The following RNLS variants were observed in gnomAD, a reference collection of about 807,000 sequenced individuals.
The protein encoded by RNLS is renalase.
In RNLS, 39 loss-of-function variants were observed where a neutral mutation model predicts 39.8. That is an observed-to-expected ratio of 0.98 (90% CI 0.76 to 1.28). The LOEUF is 1.28. RNLS is among the 50% of genes most tolerant of loss of function. The pLI is 0.00. For synonymous variants in RNLS, 147 were observed against 150.7 expected (o/e 0.98, Z 0.18); for missense variants, 410 against 413.3 (o/e 0.99, Z 0.07).
chr10:88,557,466 T>C (rs1287064440), intron 4 of RNLS, among the ~76,000 whole-genome samples: 2 of 152,160 alleles, frequency 1.3e-5, no homozygotes, highest in East Asian at 3.9e-4. Flanking sequence ...AGAATGACGG[T>C]CAGAAATGTC....
chr10:88,453,250 T>C (rs1842450628), intron 4 of RNLS, among the ~76,000 whole-genome samples: 1 of 152,152 alleles, frequency 6.6e-6, no homozygotes, highest in Non-Finnish European at 1.5e-5. Flanking sequence ...CTGCAGGAAG[T>C]TTTAGAAACC....
the RNLS span, among the ~76,000 whole-genome samples, chr10:88,237,748 C>T: frequency 1.3e-5 from 2 of 152,314 alleles, no homozygotes; most frequent in South Asian, 4.1e-4. Flanking sequence ...ACAAATCTAT[C>T]AACCAATGAA....
At chr10:88,474,695 T>TTA (rs1385691173) in intron 4 of RNLS, among the ~76,000 whole-genome samples, 1 of 152,206 alleles carries the variant, frequency 6.6e-6, no homozygotes, top group African/African-American at 2.4e-5. Flanking sequence ...TGTCTCTGTG[T>TTA]AGCAAATTGC....
chr10:88,329,270 C>T (rs1451944378), intron 5 of RNLS, among the ~76,000 whole-genome samples: 2 of 151,890 alleles, frequency 1.3e-5, no homozygotes, highest in East Asian at 3.9e-4. Context: ...CCCAGGTGGT[C>T]TTGAACTCCT....
At chr10:88,455,297 T>C (rs1842567498) in intron 4 of RNLS, among the ~76,000 whole-genome samples, 1 of 152,162 alleles carries the variant, frequency 6.6e-6, no homozygotes, top group East Asian at 1.9e-4. Flanking sequence ...AGAAAATTTA[T>C]AGAAATAAAC....
Position 88,275,666 on chromosome 10 carries a change from GC to G in RNLS, c.877-635del, listed in dbSNP as rs1842787334. On this transcript the variant is annotated intron_variant, in intron 6 of 6. Coordinates refer to the RNLS transcript ENST00000371947. ...ATAAAGTTCTAAATACATACAATAT[GC>G]TGTAAAATTAAAAACGCACAGAACA... is the stretch of plus-strand genomic sequence containing the variant. Among the ~76,000 whole-genome samples the G allele has an allele frequency of 2.0e-5, 3 of 152,150 alleles. 1 individual carries two copies. The highest frequency in any genetic ancestry group is 2.9e-5 in the Non-Finnish European group (2 of 68,044).
the RNLS span, among the ~76,000 whole-genome samples, chr10:88,232,372 AG>A: frequency 1.3e-5 from 2 of 152,236 alleles, no homozygotes; most frequent in Non-Finnish European, 2.9e-5. Context: ...ACATAGAAAA[AG>A]AGGTGATTTT....
At chr10:88,263,217 AG>A in the RNLS span, among the ~76,000 whole-genome samples, 3 of 152,138 alleles carry the variant, frequency 2.0e-5, no homozygotes, top group Non-Finnish European at 2.9e-5. Flanking sequence ...GGCAAGGGGA[AG>A]TGAAATTCAT....
chr10:88,227,018 A>C, the RNLS span, among the ~76,000 whole-genome samples: 1 of 152,180 alleles, frequency 6.6e-6, no homozygotes, highest in African/African-American at 2.4e-5. Flanking sequence ...GGTTTTGTAA[A>C]TAAAGTTTTA....
At chr10:88,258,383 T>G in the RNLS span, among the ~76,000 whole-genome samples, 1 of 152,226 alleles carries the variant, frequency 6.6e-6, no homozygotes, top group African/African-American at 2.4e-5. Flanking sequence ...CAGAGAAGTC[T>G]TTGGAGTCCG....
intron 4 of RNLS, among the ~76,000 whole-genome samples, chr10:88,441,444 T>C (rs574302006): frequency 3.9e-5 from 6 of 152,194 alleles, no homozygotes; most frequent in South Asian, 2.1e-4. Flanking sequence ...ATAAAACAAA[T>C]TGATACTGAA....
chr10:88,550,314 T>C (rs924868459), intron 4 of RNLS, among the ~76,000 whole-genome samples: 14 of 152,202 alleles, frequency 9.2e-5, no homozygotes, highest in Non-Finnish European at 1.8e-4. Flanking sequence ...TTTCCTTCAA[T>C]GTAACTTATG....
intron 6 of RNLS, among the ~76,000 whole-genome samples, chr10:88,290,906 C>T (rs920119074): frequency 6.6e-6 from 1 of 152,120 alleles, no homozygotes. Flanking sequence ...TTTTTCTCTT[C>T]ACTGGGAAAG....
downstream of RNLS, among the ~76,000 whole-genome samples, chr10:88,283,299 A>C (rs2132614494): frequency 6.6e-6 from 1 of 152,268 alleles, no homozygotes; most frequent in Middle Eastern, 3.4e-3. Flanking sequence ...TTTTCCTCAT[A>C]TTGCCATAGT....
the RNLS span, among the ~76,000 whole-genome samples, chr10:88,207,993 T>C: frequency 6.6e-6 from 1 of 152,188 alleles, no homozygotes; most frequent in African/African-American, 2.4e-5. Context: ...CATCGTCTCT[T>C]CTCAGGCCGA....
chr10:88,441,617 C>T (rs114319807), intron 4 of RNLS, among the ~76,000 whole-genome samples: 2,040 of 152,280 alleles, frequency 0.013, 49 homozygotes, highest in African/African-American at 0.044. Context: ...CCTGGGTGCG[C>T]TCTCTTCAGT....
At chr10:88,276,605 TA>T (rs1304820698) in intron 6 of RNLS, among the ~76,000 whole-genome samples, 2 of 152,206 alleles carry the variant, frequency 1.3e-5, no homozygotes, top group South Asian at 2.1e-4. Context: ...TTATAGTTAT[TA>T]TTTCCACTGA....
intron 4 of RNLS, among the ~76,000 whole-genome samples, chr10:88,562,227 A>G (rs779053544): frequency 3.3e-5 from 5 of 152,150 alleles, no homozygotes; most frequent in African/African-American, 4.8e-5. Context: ...AAGAATATGT[A>G]AACAAGGATG....
intron 4 of RNLS, among the ~76,000 whole-genome samples, chr10:88,480,388 T>A (rs920550004): frequency 6.6e-6 from 1 of 152,248 alleles, no homozygotes; most frequent in African/African-American, 2.4e-5. Flanking sequence ...AGTTTCTCCT[T>A]CCCTAAGATT....
Sources: allele counts gnomAD v4.1 joint callset (sites outside exome capture counted in the v4.1 genomes callset), GRCh38; gene constraint gnomAD v4.1.1; transcripts MANE v1.5; gene names NCBI Gene and HGNC (gene_info 2026-07-23, HGNC 2026-07-21).